Variants in AUTS2 observed in about 807,000 individuals in gnomAD.
The protein encoded by AUTS2 is autism susceptibility gene 2 protein.
A neutral mutation model predicts 112.4 loss-of-function variants in AUTS2; 17 were observed. That is an observed-to-expected ratio of 0.15 (90% CI 0.10 to 0.23). AUTS2 has a LOEUF of 0.23. AUTS2 is among the 10% of genes least tolerant of loss of function. The probability of loss-of-function intolerance (pLI) is 1.00; values close to 1 mark genes in which losing one functional copy is unlikely to be tolerated. For missense variants in AUTS2, 1,510 were observed against 1,701.6 expected (o/e 0.89, Z 1.98); for synonymous variants, 751 against 702.7 (o/e 1.07, Z -1.09).
chr7:69,978,280 A>G (rs1798140915), intron 2 of AUTS2, among the ~76,000 whole-genome samples: 1 of 152,238 alleles, frequency 6.6e-6, no homozygotes, highest in African/African-American at 2.4e-5. Flanking sequence ...ATCAAGATGT[A>G]GATTCCAGAA....
intron 4 of AUTS2, among the ~76,000 whole-genome samples, chr7:70,174,658 A>G (rs553042525): frequency 6.6e-6 from 1 of 152,290 alleles, no homozygotes; most frequent in African/African-American, 2.4e-5. Flanking sequence ...TATCATTCCA[A>G]AAATTGTAGG....
intron 1 of AUTS2, among the ~76,000 whole-genome samples, chr7:69,841,076 C>A (rs1398305192): frequency 6.6e-6 from 1 of 152,190 alleles, no homozygotes. Context: ...GTAGGATAGC[C>A]TGACAGTAGG....
intron 5 of AUTS2, among the ~76,000 whole-genome samples, chr7:70,606,517 T>C (rs1012699373): frequency 1.3e-5 from 2 of 152,182 alleles, no homozygotes; most frequent in African/African-American, 4.8e-5. Context: ...ATGAAGCTTA[T>C]ATTATAGTGC....
At chr7:70,207,388 G>A (rs912903866) in intron 4 of AUTS2, among the ~76,000 whole-genome samples, 1 of 152,100 alleles carries the variant, frequency 6.6e-6, no homozygotes, top group South Asian at 2.1e-4. Context: ...GCACTAAACT[G>A]TTTTCCTTGG....
At chr7:70,192,778 C>T (rs1809971267) in intron 4 of AUTS2, among the ~76,000 whole-genome samples, 1 of 152,170 alleles carries the variant, frequency 6.6e-6, no homozygotes, top group African/African-American at 2.4e-5. Context: ...TCTGAAGAAA[C>T]CACCTCCACT....
At chr7:70,508,048 C>A (rs534853680) in intron 5 of AUTS2, among the ~76,000 whole-genome samples, 1 of 152,204 alleles carries the variant, frequency 6.6e-6, no homozygotes. Flanking sequence ...CCAGCACTTA[C>A]AGCAGAAGGC....
At chr7:69,682,996 C>T (rs1057418568) in intron 1 of AUTS2, among the ~76,000 whole-genome samples, 61 of 152,018 alleles carry the variant, frequency 4.0e-4, no homozygotes, top group African/African-American at 9.7e-4. Flanking sequence ...GTTTAAGGAG[C>T]GGAAAGTTTA....
In AUTS2 at chr7:70,727,441, C is replaced by G. The variant is rs189282073; in HGVS notation, c.742+28821C>G. 2.2e-4 allele frequency among the ~76,000 whole-genome samples: 33 copies of G among 152,258 alleles called. No individual in the cohort carries two copies. The East Asian group carries it at 5.2e-3, about 24-fold the overall frequency. ...CTTGGTTCACTGCAACCTCTACCTC[C>G]TGGGTTCAAGTGATTCTCCTGCCAC... On this transcript the variant is annotated intron_variant, in intron 6 of 18. Coordinates refer to ENST00000342771, the MANE Select transcript of AUTS2 (RefSeq NM_015570.4).
chr7:70,034,326 C>G (rs1800907300), intron 2 of AUTS2, among the ~76,000 whole-genome samples: 1 of 152,154 alleles, frequency 6.6e-6, no homozygotes, highest in Non-Finnish European at 1.5e-5. Context: ...CTTTCTTCCT[C>G]CCTTGAGTTG....
chr7:70,373,522 T>C (rs1792940519), intron 4 of AUTS2, among the ~76,000 whole-genome samples: 1 of 152,182 alleles, frequency 6.6e-6, no homozygotes, highest in East Asian at 1.9e-4. Flanking sequence ...TAGGCATTTT[T>C]CCCAAACTAT....
intron 1 of AUTS2, among the ~76,000 whole-genome samples, chr7:69,732,500 T>C (rs1436546232): frequency 6.6e-6 from 1 of 152,184 alleles, no homozygotes; most frequent in African/African-American, 2.4e-5. Flanking sequence ...GTCAGCATTG[T>C]TTCCCATGGA....
At chr7:69,830,451 G>T (rs1419910383) in intron 1 of AUTS2, among the ~76,000 whole-genome samples, 1 of 152,094 alleles carries the variant, frequency 6.6e-6, no homozygotes, top group Non-Finnish European at 1.5e-5. Context: ...ATGTTTTCTT[G>T]TTGTCTTATT....
At chr7:70,399,725 T>C (rs2130085753) in intron 4 of AUTS2, among the ~76,000 whole-genome samples, 1 of 152,002 alleles carries the variant, frequency 6.6e-6, no homozygotes, top group South Asian at 2.1e-4. Flanking sequence ...AACGATATAA[T>C]TGTAATACCC....
Position 70,151,071 on chromosome 7 carries a change from A to G in AUTS2, c.660+16500A>G, listed in dbSNP as rs557120624. 3.9e-5 allele frequency among the ~76,000 whole-genome samples: 6 copies of G among 152,270 alleles called. No homozygotes were observed. The East Asian group carries it at 1.2e-3, about 29-fold the overall frequency. On this transcript the variant is annotated intron_variant, in intron 4 of 18. Coordinates refer to ENST00000342771, the MANE Select transcript of AUTS2 (RefSeq NM_015570.4). Reference sequence around the variant, plus strand: ...GGGCAGAGGGAATTCAGAAGTACCAAGTGGAACTCAGTAGACTTTCTGCAT... The same window carrying G: ...GGGCAGAGGGAATTCAGAAGTACCAGGTGGAACTCAGTAGACTTTCTGCAT...
chr7:70,785,519 G>T (rs1449838154), intron 16 of AUTS2: 1 of 467,148 alleles, frequency 2.1e-6, no homozygotes, highest in East Asian at 6.7e-5. Flanking sequence ...ATCTGCAAGT[G>T]TACAGGCAGA....
At chr7:70,620,949 G>A (rs959304422) in intron 5 of AUTS2, among the ~76,000 whole-genome samples, 58 of 152,342 alleles carry the variant, frequency 3.8e-4, no homozygotes, top group African/African-American at 1.3e-3. Context: ...CAGTTCAGCA[G>A]CTGAGCAGCG....
At chr7:69,751,647 T>C (rs1240989452) in intron 1 of AUTS2, among the ~76,000 whole-genome samples, 1 of 152,214 alleles carries the variant, frequency 6.6e-6, no homozygotes, top group Non-Finnish European at 1.5e-5. Context: ...CATATAAACT[T>C]CTTCAGTTAT....
intron 6 of AUTS2, among the ~76,000 whole-genome samples, chr7:70,705,916 C>T (rs942045700): frequency 1.3e-5 from 2 of 152,146 alleles, no homozygotes; most frequent in East Asian, 1.9e-4. Context: ...ATTTTCCATC[C>T]GAACAAGCCT....
chr7:69,659,120 A>G (rs2129141514), intron 1 of AUTS2, among the ~76,000 whole-genome samples: 1 of 152,336 alleles, frequency 6.6e-6, no homozygotes, highest in South Asian at 2.1e-4. Flanking sequence ...AGTGCCACAA[A>G]TGTAAACAGG....
Sources: allele counts gnomAD v4.1 joint callset (sites outside exome capture counted in the v4.1 genomes callset), GRCh38; gene constraint gnomAD v4.1.1; transcripts MANE v1.5; gene names NCBI Gene and HGNC (gene_info 2026-07-23, HGNC 2026-07-21).